The following NEMP2 variants were observed in gnomAD, a reference collection of about 807,000 sequenced individuals.
The protein encoded by NEMP2 is UPF0571 transmembrane protein.
A neutral mutation model predicts 54.2 loss-of-function variants in NEMP2; 53 were observed. That is an observed-to-expected ratio of 0.98 (90% CI 0.78 to 1.23). The LOEUF is 1.23. NEMP2 is among the 50% of genes most tolerant of loss of function. NEMP2 has a pLI of 0.00. For synonymous variants in NEMP2, 197 were observed against 190.3 expected, an observed-to-expected ratio of 1.04 and a Z score of -0.29; for missense variants, 455 against 511.3, an observed-to-expected ratio of 0.89 and a Z score of 1.06.
At chr2:190,574,487 A>AT in the NEMP2 span, among the ~76,000 whole-genome samples, 1 of 152,174 alleles carries the variant, frequency 6.6e-6, no homozygotes, top group East Asian at 1.9e-4. Context: ...CATATACCAT[A>AT]TGTCACCCAT....
At chr2:190,552,324 T>C in the NEMP2 span, among the ~76,000 whole-genome samples, 1 of 152,226 alleles carries the variant, frequency 6.6e-6, no homozygotes, top group Non-Finnish European at 1.5e-5. Flanking sequence ...ATAAATATTG[T>C]CTCTGAGTTT....
At chr2:190,488,471 A>G in the NEMP2 span, among the ~76,000 whole-genome samples, 1 of 152,248 alleles carries the variant, frequency 6.6e-6, no homozygotes, top group Non-Finnish European at 1.5e-5. The surrounding 1 kb of genome is among the most constrained non-coding windows in gnomAD (Gnocchi z 6.4). Flanking sequence ...CAGCTGCACA[A>G]CACTGTGAGT....
Position 190,521,670 on chromosome 2 carries a change from A to T in NEMP2, c.214-2487T>A, listed in dbSNP as rs1171125642. ...TTTAATCCACTTCAATCAGGATTTC[A>T]TTCCTAAAAGGCCACCCTGACAAGG... On this transcript the variant is annotated intron_variant, in intron 2 of 8. Coordinates refer to ENST00000409150, the MANE Select transcript of NEMP2 (RefSeq NM_001142645.2). The surrounding 1 kb of genome is among the most constrained non-coding windows in gnomAD (Gnocchi z 6.2). Among the ~76,000 whole-genome samples the T allele has an allele frequency of 6.6e-6, 1 of 152,168 alleles. No individual in the cohort carries two copies. The highest frequency in any genetic ancestry group is 1.5e-5 in the Non-Finnish European group (1 of 68,028).
the NEMP2 span, among the ~76,000 whole-genome samples, chr2:190,604,382 CT>C: frequency 6.6e-6 from 1 of 152,234 alleles, no homozygotes. This position sits in a 1 kb window ranked among gnomAD's most constrained non-coding sequence, Gnocchi z 4.5. Context: ...ACTACAGGTA[CT>C]TCTGGCAAAT....
At chr2:190,427,256 T>A in the NEMP2 span, among the ~76,000 whole-genome samples, 1 of 152,242 alleles carries the variant, frequency 6.6e-6, no homozygotes, top group African/African-American at 2.4e-5. Context: ...TCCTTGCTCC[T>A]TTATCTTCTC....
rs546361053 is a variant in NEMP2 at position 190,509,391 on chromosome 2, T to C, written c.1131-79A>G. On this transcript the variant is annotated intron_variant, in intron 8 of 8. Coordinates refer to ENST00000409150, the MANE Select transcript of NEMP2 (RefSeq NM_001142645.2). This position sits in a 1 kb window ranked among gnomAD's most constrained non-coding sequence, Gnocchi z 6.1. Reference sequence around the variant, plus strand: ...TGAAAGATAACATGTTCCCTTGCTATTTATCCCCTTTAATTAAATTTGACT... The same window carrying C: ...TGAAAGATAACATGTTCCCTTGCTACTTATCCCCTTTAATTAAATTTGACT... 14 of 1,456,250 alleles carry C rather than the reference T, an allele frequency of 9.6e-6. No homozygotes were observed. The African/African-American group carries it at 1.7e-4, about 18-fold the overall frequency. 90.2% of individuals were successfully genotyped at this position (1,456,250 alleles called of 1,614,324 possible). A position where few individuals can be genotyped will look rare whatever the true frequency, so the allele number is the denominator to read the frequency against.
chr2:190,442,726 A>G, the NEMP2 span: 4 of 152,118 alleles, frequency 2.6e-5, no homozygotes, highest in African/African-American at 7.2e-5. Context: ...GAGATGTAGA[A>G]TGGGGTGGGG....
the NEMP2 span, among the ~76,000 whole-genome samples, chr2:190,597,139 C>T: frequency 6.6e-6 from 1 of 151,690 alleles, no homozygotes; most frequent in Non-Finnish European, 1.5e-5. This position sits in a 1 kb window ranked among gnomAD's most constrained non-coding sequence, Gnocchi z 4.7. Context: ...TGGTGTGCTC[C>T]TGTGGTCCTA....
chr2:190,485,387 A>C, the NEMP2 span, among the ~76,000 whole-genome samples: 1 of 152,300 alleles, frequency 6.6e-6, no homozygotes, highest in South Asian at 2.1e-4. The surrounding 1 kb of genome is among the most constrained non-coding windows in gnomAD (Gnocchi z 5.1). Context: ...AAGTTAACCT[A>C]CTACCATTTG....
At chr2:190,449,130 G>T in the NEMP2 span, among the ~76,000 whole-genome samples, 75 of 152,238 alleles carry the variant, frequency 4.9e-4, no homozygotes, top group Non-Finnish European at 9.6e-4. Context: ...ATGGCTTCAG[G>T]TCTTATTTTC....
the NEMP2 span, among the ~76,000 whole-genome samples, chr2:190,441,428 C>A: frequency 6.7e-6 from 1 of 150,246 alleles, no homozygotes; most frequent in East Asian, 2.0e-4. Flanking sequence ...GGTTGAGAAC[C>A]ACCAGGCTAA....
At chr2:190,430,911 G>T in the NEMP2 span, among the ~76,000 whole-genome samples, 1 of 127,676 alleles carries the variant, frequency 7.8e-6, no homozygotes, top group Non-Finnish European at 1.7e-5. Context: ...TCCCAGATGG[G>T]GTGGCTGCCG....
Position 190,523,861 on chromosome 2 carries a change from T to C in NEMP2, c.213+1402A>G, listed in dbSNP as rs980784481. 2.0e-5 allele frequency among the ~76,000 whole-genome samples: 3 copies of C among 152,016 alleles called. No individual in the cohort carries two copies. The highest frequency in any genetic ancestry group is 6.6e-5 in the Admixed American group (1 of 15,264). On this transcript the variant is annotated intron_variant, in intron 2 of 8. Coordinates refer to ENST00000409150, the MANE Select transcript of NEMP2 (RefSeq NM_001142645.2). The surrounding 1 kb of genome is among the most constrained non-coding windows in gnomAD (Gnocchi z 5.3). ...GACTATATGGATATAAATAAATACA[T>C]GGGAGGAGGAAAATCTCTTCTTTAT...
the NEMP2 span, among the ~76,000 whole-genome samples, chr2:190,622,508 T>C: frequency 6.6e-6 from 1 of 152,066 alleles, no homozygotes. Context: ...TCTTATAGAA[T>C]AATTAGCTCA....
At chr2:190,469,665 A>T in the NEMP2 span, 13 of 657,094 alleles carry the variant, frequency 2.0e-5, no homozygotes, top group Non-Finnish European at 2.8e-5. The surrounding 1 kb of genome is among the most constrained non-coding windows in gnomAD (Gnocchi z 5.3). Flanking sequence ...TAATATTTGC[A>T]TGTTTTGTAC....
At chr2:190,634,081 A>G in the NEMP2 span, among the ~76,000 whole-genome samples, 1 of 152,252 alleles carries the variant, frequency 6.6e-6, no homozygotes, top group South Asian at 2.1e-4. The surrounding 1 kb of genome is among the most constrained non-coding windows in gnomAD (Gnocchi z 6.8). Context: ...CTTAAAAAAA[A>G]GAAAAGTATC....
Position 190,532,824 on chromosome 2 carries a change from G to A in NEMP2, c.97+1735C>T, listed in dbSNP as rs1574321085. Among the ~76,000 whole-genome samples, 2 of 152,310 alleles carry A rather than the reference G, an allele frequency of 1.3e-5. 1 individual carries two copies. The highest frequency in any genetic ancestry group is 1.3e-4 in the Admixed American group (2 of 15,302). On this transcript the variant is annotated intron_variant, in intron 1 of 8. Transcript: ENST00000409150. ...TCCAGGGCTGCCAACAGTGTCACTG[G>A]CACACTACCAGATGCTGGGCGCTTC...
the NEMP2 span, chr2:190,442,800 A>G: frequency 6.6e-6 from 1 of 152,128 alleles, no homozygotes. Context: ...AGTTGACACA[A>G]TATTGTAAGT....
chr2:190,531,380 C>T lies in NEMP2; in HGVS notation c.97+3179G>A, dbSNP rs1224928580. Among the ~76,000 whole-genome samples the T allele has an allele frequency of 6.6e-6, 1 of 152,184 alleles. No homozygotes were observed. Among genetic ancestry groups the T allele is most frequent in the Non-Finnish European group, 1.5e-5 (1 of 68,024 alleles). Reference sequence around the variant, plus strand: ...TGTGGGATCAACCCTGAATGCCATCCTTACTATGGAAAGACAGGTTTCTAA... The same window carrying T: ...TGTGGGATCAACCCTGAATGCCATCTTTACTATGGAAAGACAGGTTTCTAA... On this transcript the variant is annotated intron_variant, in intron 1 of 8. Coordinates refer to ENST00000409150, the MANE Select transcript of NEMP2 (RefSeq NM_001142645.2). This position sits in a 1 kb window ranked among gnomAD's most constrained non-coding sequence, Gnocchi z 4.7.
Sources: allele counts gnomAD v4.1 joint callset (sites outside exome capture counted in the v4.1 genomes callset), GRCh38; gene constraint gnomAD v4.1.1; non-coding constraint Gnocchi (gnomAD v3.1); transcripts MANE v1.5; gene names NCBI Gene and HGNC (gene_info 2026-07-23, HGNC 2026-07-21).